Variants in SEMA6B observed in about 807,000 individuals in gnomAD.
SEMA6B encodes semaphorin 6B, also known as semaphorin-6B.
SEMA6B carries 47 observed loss-of-function variants against 78.6 expected under a neutral mutation model. The observed-to-expected ratio is 0.60, with a 90% CI of 0.47 to 0.76. The LOEUF is 0.76. Among genes scored for constraint, SEMA6B ranks in the 30% least tolerant of loss-of-function variants. The pLI is 0.00. For missense variants in SEMA6B, 1,213 were observed against 1,269.9 expected (o/e 0.96, Z 0.68); for synonymous variants, 632 against 592.2 (o/e 1.07, Z -0.98).
Position 4,550,374 on chromosome 19 carries a change from TTTTG to T in SEMA6B, c.1122-106_1122-103del. On this transcript the variant is annotated intron_variant, in intron 11 of 16. Coordinates refer to ENST00000586582, the MANE Select transcript of SEMA6B (RefSeq NM_032108.4). The surrounding 1 kb of genome is among the most constrained non-coding windows in gnomAD (Gnocchi z 6.6). Reference sequence around the variant, plus strand: ...TGCTTTGCCCAACGACCCTCAGGTTTTTTGTTTGTTTTGTTTTTGAGACAGAGTC... The same window carrying T: ...TGCTTTGCCCAACGACCCTCAGGTTTTTTGTTTTGTTTTTGAGACAGAGTC... 2 of 1,245,836 alleles carry T rather than the reference TTTTG, an allele frequency of 1.6e-6. No homozygotes were observed. The highest frequency in any genetic ancestry group is 1.3e-5 in the South Asian group (1 of 74,536). 77.2% of individuals were successfully genotyped at this position (1,245,836 alleles called of 1,614,324 possible).
In SEMA6B at chr19:4,543,925, G is replaced by A. The variant is rs1977090687; in HGVS notation, c.2343C>T (p.Arg781=). The change falls in exon 17 of 17, where the codon CGC becomes CGT. Residue 781 remains arginine (R), a synonymous_variant. Coordinates refer to ENST00000586582, the MANE Select transcript of SEMA6B (RefSeq NM_032108.4). ...TGAGCGGGAAGTCGCCGTGGGAGGCGCGGCCGGGCCGGGCAGCATAGAGGC... is the reference window on the plus strand; with the variant it reads ...TGAGCGGGAAGTCGCCGTGGGAGGCACGGCCGGGCCGGGCAGCATAGAGGC... ...DGRLYAARPG[R]ASHGDFPLTP... 11 of 1,200,934 alleles carry A rather than the reference G, an allele frequency of 9.2e-6. No individual in the cohort carries two copies. The highest frequency in any genetic ancestry group is 4.4e-5 in the Admixed American group (1 of 22,502). 74.4% of individuals were successfully genotyped at this position (1,200,934 alleles called of 1,614,324 possible). A position where few individuals can be genotyped will look rare whatever the true frequency, so the allele number is the denominator to read the frequency against.
At position 4,550,006 on chromosome 19, in the gene SEMA6B, G is replaced by C. The variant is rs1977279334; in HGVS notation, c.1271+117C>G. 2 of 947,388 alleles carry C rather than the reference G, an allele frequency of 2.1e-6. No homozygotes were observed. The highest frequency in any genetic ancestry group is 3.2e-6 in the Non-Finnish European group (2 of 632,690). The allele number at this position is 947,388 out of a possible 1,614,324, so 58.7% of individuals were successfully genotyped here. The stretch of plus-strand genomic sequence containing the variant: ...CCCTCTCTGTCTCTCTGTGTCTCCA[G>C]CTCTCTGGGCAGCGCCGGAAGCCAT... On this transcript the variant is annotated intron_variant, in intron 12 of 16. Coordinates refer to ENST00000586582, the MANE Select transcript of SEMA6B (RefSeq NM_032108.4). The surrounding 1 kb of genome is among the most constrained non-coding windows in gnomAD (Gnocchi z 6.6).
Position 4,548,277 on chromosome 19 carries a change from G to A in SEMA6B, c.1440C>T (p.Thr480=), listed in dbSNP as rs772133542. 6.2e-7 allele frequency: 1 copy of A among 1,609,698 alleles called. No individual in the cohort carries two copies. The highest frequency in any genetic ancestry group is 8.5e-7 in the Non-Finnish European group (1 of 1,176,572). ...GLSVFLEEFE[T]YRPDRCGRPG... ...CCCAGACTTACCTGTCCGGCCGGTA[G>A]GTCTCAAACTCCTCCAGGAAGACAC... Residue 480 remains threonine (T), a synonymous_variant, in exon 13 of 17, where the codon ACC becomes ACT. Transcript: ENST00000586582.
intron 9 of SEMA6B, among the ~76,000 whole-genome samples, chr19:4,553,591 G>A (rs906683598): frequency 1.3e-5 from 2 of 150,584 alleles, no homozygotes; most frequent in Non-Finnish European, 3.0e-5. Context: ...TGAGATGGAA[G>A]GGTGGATGGA....
In SEMA6B at chr19:4,544,699, G is replaced by A. The variant is rs537870987; in HGVS notation, c.1739-170C>T. ...GTGCCAGGCTGGAGTGCAGTGGGGCGATCTCGATTCACTGCAACCTCCGCC... is the reference window on the plus strand; with the variant it reads ...GTGCCAGGCTGGAGTGCAGTGGGGCAATCTCGATTCACTGCAACCTCCGCC... On this transcript the variant is annotated intron_variant, in intron 16 of 16. Coordinates refer to ENST00000586582, the MANE Select transcript of SEMA6B (RefSeq NM_032108.4). The surrounding 1 kb of genome is among the most constrained non-coding windows in gnomAD (Gnocchi z 5.1). Among the ~76,000 whole-genome samples the A allele has an allele frequency of 1.3e-5, 2 of 151,654 alleles. No individual in the cohort carries two copies. Among genetic ancestry groups the A allele is most frequent in the South Asian group, 2.1e-4 (1 of 4,804 alleles).
Position 4,557,026 on chromosome 19 carries a change from A to G in SEMA6B, c.307-13T>C. On this transcript the variant is annotated splice_polypyrimidine_tract_variant and intron_variant, in intron 4 of 16. Transcript: ENST00000586582. ...TCCAGGTCAGCTTCTGCAGACAGAGAGAGCTGGTGAGGGGGTAACGGGTCC... is the reference window on the plus strand; with the variant it reads ...TCCAGGTCAGCTTCTGCAGACAGAGGGAGCTGGTGAGGGGGTAACGGGTCC... 6.2e-7 allele frequency: 1 copy of G among 1,611,910 alleles called. No individual in the cohort carries two copies. Among genetic ancestry groups the G allele is most frequent in the South Asian group, 1.1e-5 (1 of 90,808 alleles).
intron 5 of SEMA6B, among the ~76,000 whole-genome samples, chr19:4,556,324 A>G (rs1484797217): frequency 6.6e-6 from 1 of 152,146 alleles, no homozygotes; most frequent in East Asian, 1.9e-4. Context: ...GGGCATAACC[A>G]TGGCAATAGC....
intron 16 of SEMA6B, 40 bp downstream of exon 16, chr19:4,546,176 T>C (rs1177916117): frequency 6.4e-7 from 1 of 1,561,628 alleles, no homozygotes; most frequent in South Asian, 1.1e-5. Flanking sequence ...CCCATGGTAG[T>C]GGGGGATGGG....
rs896770212 is a variant in SEMA6B, at chr19:4,543,855, T to C, written c.2413A>G (p.Thr805Ala). ...GCTGAGGCTGGGTCCAAGGGGCCCG[T>C]GGGCGCGGACACCACCCGCCGGCGG... ...PDRRRVVSAPTGPLDPASAAD... is the reference protein window; with the variant it reads ...PDRRRVVSAPAGPLDPASAAD... The change falls in exon 17 of 17, where the codon ACG (threonine) becomes GCG (alanine). Residue 805 changes from threonine (T) to alanine (A), a missense_variant. Physicochemically the swap from Thr to Ala is moderately conservative, Grantham distance 58 (BLOSUM62 0). Coordinates refer to ENST00000586582, the MANE Select transcript of SEMA6B (RefSeq NM_032108.4). 5.4e-5 allele frequency: 65 copies of C among 1,208,332 alleles called. No homozygotes were observed. In the African/African-American group the frequency reaches 9.1e-4, roughly 17 times the overall value. 74.9% of individuals were successfully genotyped at this position (1,208,332 alleles called of 1,614,324 possible).
chr19:4,551,295 CTG>C (rs1977326219), intron 10 of SEMA6B, among the ~76,000 whole-genome samples: 1 of 150,950 alleles, frequency 6.6e-6, no homozygotes, highest in Non-Finnish European at 1.5e-5. Flanking sequence ...TCTCAGGTCA[CTG>C]TAACCTACAC....
chr19:4,544,577 G>T lies in SEMA6B; in HGVS notation c.1739-48C>A. The stretch of plus-strand genomic sequence containing the variant: ...TTAGTGGGGCCGGCGGGGTGGCCCT[G>T]GGCATCCCTCCTACCTCCTCGGGGC... On this transcript the variant is annotated intron_variant, in intron 16 of 16. Coordinates refer to ENST00000586582, the MANE Select transcript of SEMA6B (RefSeq NM_032108.4). This position sits in a 1 kb window ranked among gnomAD's most constrained non-coding sequence, Gnocchi z 5.1. 1 of 1,259,850 alleles carries T rather than the reference G, an allele frequency of 7.9e-7. No homozygotes were observed. The highest frequency in any genetic ancestry group is 1.0e-6 in the Non-Finnish European group (1 of 954,792). The allele number at this position is 1,259,850 out of a possible 1,614,324, so 78.0% of individuals were successfully genotyped here.
chr19:4,554,849 AT>A, intron 8 of SEMA6B, 126 bp downstream of exon 8: 1 of 1,211,600 alleles, frequency 8.3e-7, no homozygotes, highest in South Asian at 1.5e-5. Flanking sequence ...AGGCCAACAG[AT>A]TCCAAAGATG....
chr19:4,542,791 C>T lies in SEMA6B; in HGVS notation c.*810G>A, dbSNP rs920667355. ...AGAGGGGCCCCACCCACCTTCGCCG[C>T]CCCCCAGGCCCCCAAGCCCTTTAGA... On this transcript the variant is annotated 3_prime_UTR_variant, in exon 17 of 17. Coordinates refer to ENST00000586582, the MANE Select transcript of SEMA6B (RefSeq NM_032108.4). 22 of 700,714 alleles carry T rather than the reference C, an allele frequency of 3.1e-5. No individual in the cohort carries two copies. The highest frequency in any genetic ancestry group is 4.7e-5 in the Non-Finnish European group (18 of 384,532). 43.4% of individuals were successfully genotyped at this position (700,714 alleles called of 1,614,324 possible).
At chr19:4,546,117 C>T (rs1027119606) in intron 16 of SEMA6B, 99 bp downstream of exon 16, 3 of 1,274,406 alleles carry the variant, frequency 2.4e-6, no homozygotes, top group African/African-American at 3.0e-5. Flanking sequence ...AGTTTCCCCA[C>T]CCACCTCCCA....
rs1420351754 is a variant in SEMA6B, at chr19:4,558,563, A to C, written c.-32-74T>G. On this transcript the variant is annotated intron_variant, in intron 1 of 16. Coordinates refer to ENST00000586582, the MANE Select transcript of SEMA6B (RefSeq NM_032108.4). The surrounding 1 kb of genome is among the most constrained non-coding windows in gnomAD (Gnocchi z 5.1). ...CCACAAGACGGCGGGCGAGAGCAGC[A>C]GACGCTCCTTCAAATCCCAGAAAAA... The C allele has an allele frequency of 5.1e-6, 5 of 975,998 alleles. No individual in the cohort carries two copies. The highest frequency in any genetic ancestry group is 6.6e-6 in the Non-Finnish European group (5 of 754,514). 60.5% of individuals were successfully genotyped at this position (975,998 alleles called of 1,614,324 possible). A position where few individuals can be genotyped will look rare whatever the true frequency, so the allele number is the denominator to read the frequency against.
At chr19:4,551,348 T>G (rs941559604) in intron 10 of SEMA6B, among the ~76,000 whole-genome samples, 9 of 151,224 alleles carry the variant, frequency 6.0e-5, no homozygotes, top group African/African-American at 2.2e-4. Flanking sequence ...GTCTCCCGAG[T>G]AGCTGGAATT....
intron 15 of SEMA6B, 22 bp from the exon 16 acceptor site, chr19:4,546,296 GTCAGCAGAGGCCCCTC>G (rs772783964): frequency 6.2e-7 from 1 of 1,612,204 alleles, no homozygotes; most frequent in South Asian, 1.1e-5. Flanking sequence ...AGGAGGCACC[GTCAGCAGAGGCCCCTC>G]TCACAGTCAG....
At position 4,543,983 on chromosome 19, in the gene SEMA6B, G is replaced by T; in HGVS notation, c.2285C>A (p.Pro762His). Reference protein sequence around the residue: ...LLAPARAPEQPPAPGEPTPDG... With the variant: ...LLAPARAPEQHPAPGEPTPDG... ...GGGGGTCGGCTCCCCAGGCGCGGGG[G>T]GCTGCTCGGGGGCCCGGGCGGGCGC... The change falls in exon 17 of 17, where the codon CCC becomes CAC. Residue 762 changes from proline to histidine, a missense_variant. Physicochemically the swap from Pro to His is moderately conservative, Grantham distance 77. Coordinates refer to ENST00000586582, the MANE Select transcript of SEMA6B (RefSeq NM_032108.4). 1.7e-6 allele frequency: 2 copies of T among 1,205,144 alleles called. No individual in the cohort carries two copies. The highest frequency in any genetic ancestry group is 2.1e-6 in the Non-Finnish European group (2 of 970,886). 74.7% of individuals were successfully genotyped at this position (1,205,144 alleles called of 1,614,324 possible). A position where few individuals can be genotyped will look rare whatever the true frequency, so the allele number is the denominator to read the frequency against.
intron 12 of SEMA6B, among the ~76,000 whole-genome samples, chr19:4,549,478 T>TTTATC (rs1036770513): frequency 1.3e-5 from 2 of 150,468 alleles, no homozygotes; most frequent in African/African-American, 4.9e-5. Context: ...ATTTTTGTAT[T>TTTATC]TTATTTTATT....
Sources: allele counts gnomAD v4.1 joint callset (sites outside exome capture counted in the v4.1 genomes callset), GRCh38; gene constraint gnomAD v4.1.1; non-coding constraint Gnocchi (gnomAD v3.1); transcripts MANE v1.5; gene names NCBI Gene and HGNC (gene_info 2026-07-23, HGNC 2026-07-21).